Variants in GPM6A observed in about 807,000 individuals in gnomAD.
GPM6A encodes the protein glycoprotein M6A.
Under a neutral mutation model 32.1 loss-of-function variants are expected in GPM6A, and 7 were observed. The ratio of observed to expected loss-of-function variants is 0.22; its 90% CI spans 0.12 to 0.41. The LOEUF (loss-of-function observed/expected upper bound fraction) is 0.41. GPM6A is among the 10% of genes least tolerant of loss of function. The probability of loss-of-function intolerance (pLI) is 1.00; values close to 1 mark genes in which losing one functional copy is unlikely to be tolerated. For synonymous variants in GPM6A, 130 were observed against 123.4 expected, an observed-to-expected ratio of 1.05 and a Z score of -0.35; for missense variants, 235 against 347.2, an observed-to-expected ratio of 0.68 and a Z score of 2.57.
intron 1 of GPM6A, among the ~76,000 whole-genome samples, chr4:175,890,627 T>C (rs1217377590): frequency 2.6e-5 from 4 of 151,870 alleles, no homozygotes; most frequent in African/African-American, 4.8e-5. Flanking sequence ...AGTGCAGTGG[T>C]GCAATCATGG....
At chr4:175,761,805 T>TG (rs934658957) in intron 1 of GPM6A, among the ~76,000 whole-genome samples, 1 of 151,984 alleles carries the variant, frequency 6.6e-6, no homozygotes, top group Non-Finnish European at 1.5e-5. Flanking sequence ...AAACTTTTTT[T>TG]TTTTTTGAGA....
chr4:175,646,909 A>T (rs952196328), intron 4 of GPM6A, among the ~76,000 whole-genome samples: 1 of 152,070 alleles, frequency 6.6e-6, no homozygotes, highest in Non-Finnish European at 1.5e-5. Flanking sequence ...TGGTAGGGAG[A>T]CAGATTTGAG....
At chr4:175,678,324 T>G (rs959134044) in intron 2 of GPM6A, among the ~76,000 whole-genome samples, 10 of 152,202 alleles carry the variant, frequency 6.6e-5, no homozygotes, top group African/African-American at 2.4e-4. Context: ...TACTGTTTTA[T>G]TAACAAATTG....
At chr4:175,787,838 T>C (rs1327872030) in intron 1 of GPM6A, 2 of 155,978 alleles carry the variant, frequency 1.3e-5, no homozygotes, top group Non-Finnish European at 2.8e-5. Context: ...TTTTAATTGC[T>C]ATCTTCCCAG....
At chr4:175,879,880 C>T (rs1417216376) in intron 1 of GPM6A, among the ~76,000 whole-genome samples, 1 of 152,042 alleles carries the variant, frequency 6.6e-6, no homozygotes, top group Non-Finnish European at 1.5e-5. Flanking sequence ...CCCATTTAAA[C>T]ACCCACCAAG....
intron 2 of GPM6A, among the ~76,000 whole-genome samples, chr4:175,696,750 G>T (rs1744601531): frequency 6.6e-6 from 1 of 152,138 alleles, no homozygotes; most frequent in Admixed American, 6.6e-5. Context: ...GTTAGCCTAT[G>T]AAACTTTGTT....
At chr4:175,844,455 G>T (rs1199276966) in intron 1 of GPM6A, among the ~76,000 whole-genome samples, 1 of 152,066 alleles carries the variant, frequency 6.6e-6, no homozygotes, top group Non-Finnish European at 1.5e-5. Flanking sequence ...TGAAACCAAG[G>T]ATATGAAATA....
At chr4:175,900,452 CA>C (rs1308748076) in intron 1 of GPM6A, among the ~76,000 whole-genome samples, 1 of 140,892 alleles carries the variant, frequency 7.1e-6, no homozygotes, top group African/African-American at 2.6e-5. Context: ...AAAAAATGGG[CA>C]AAAAATATGA....
At chr4:175,802,379 G>C (rs1361351738) in intron 1 of GPM6A, among the ~76,000 whole-genome samples, 1 of 152,058 alleles carries the variant, frequency 6.6e-6, no homozygotes, top group Non-Finnish European at 1.5e-5. Context: ...TGAAAGGTTA[G>C]ATGGAAATAC....
At chr4:175,952,680 A>G (rs915772664) in intron 1 of GPM6A, among the ~76,000 whole-genome samples, 4 of 152,172 alleles carry the variant, frequency 2.6e-5, no homozygotes, top group African/African-American at 4.8e-5. Context: ...ACAAAATCAT[A>G]TAATAAAATA....
intron 1 of GPM6A, among the ~76,000 whole-genome samples, chr4:175,986,411 G>A (rs1270004621): frequency 1.3e-5 from 2 of 151,732 alleles, no homozygotes; most frequent in Non-Finnish European, 2.9e-5. Context: ...GTGGCTGTGG[G>A]TATAGTCCCA....
chr4:175,770,530 C>T (rs948878540), intron 1 of GPM6A, among the ~76,000 whole-genome samples: 1 of 152,098 alleles, frequency 6.6e-6, no homozygotes, highest in Non-Finnish European at 1.5e-5. Context: ...TTTGATCTGC[C>T]CGTTGCTTGA....
At chr4:175,945,354 A>G (rs929940615) in intron 1 of GPM6A, among the ~76,000 whole-genome samples, 3 of 152,140 alleles carry the variant, frequency 2.0e-5, no homozygotes, top group Non-Finnish European at 4.4e-5. Flanking sequence ...TAGTGTTTCC[A>G]TAGTAGAGTT....
At chr4:175,656,933 T>C (rs17061762) in intron 3 of GPM6A, among the ~76,000 whole-genome samples, 7,531 of 152,266 alleles carry the variant, frequency 0.049, 212 homozygotes, top group Non-Finnish European at 0.061. Flanking sequence ...ATGAAGAGTT[T>C]CAGATATGAG....
chr4:175,935,077 T>C (rs1043199400), intron 1 of GPM6A, among the ~76,000 whole-genome samples: 1 of 152,226 alleles, frequency 6.6e-6, no homozygotes, highest in African/African-American at 2.4e-5. Flanking sequence ...TTGACTACTT[T>C]AATGTGGATG....
chr4:175,869,370 G>A (rs1426889602), intron 1 of GPM6A, among the ~76,000 whole-genome samples: 1 of 151,994 alleles, frequency 6.6e-6, no homozygotes, highest in East Asian at 1.9e-4. Flanking sequence ...ATGTGATTCT[G>A]TGTATAGGAC....
chr4:175,968,557 T>C (rs989854239), intron 1 of GPM6A, among the ~76,000 whole-genome samples: 1 of 152,156 alleles, frequency 6.6e-6, no homozygotes, highest in East Asian at 1.9e-4. Context: ...CCAAAATATA[T>C]CAAGATTTCT....
At chr4:175,734,149 TATATATA>T (rs1560903445) in intron 1 of GPM6A, among the ~76,000 whole-genome samples, 1 of 145,260 alleles carries the variant, frequency 6.9e-6, no homozygotes, top group East Asian at 2.6e-4. Flanking sequence ...TATATATATA[TATATATA>T]TATATTTTTT....
chr4:175,698,364 A>G (rs1579398010), intron 2 of GPM6A, among the ~76,000 whole-genome samples: 1 of 152,274 alleles, frequency 6.6e-6, no homozygotes, highest in East Asian at 1.9e-4. Flanking sequence ...TTATGCTCTT[A>G]TACATTCTTT....
Sources: allele counts gnomAD v4.1 joint callset (sites outside exome capture counted in the v4.1 genomes callset), GRCh38; gene constraint gnomAD v4.1.1; transcripts MANE v1.5; gene names NCBI Gene and HGNC (gene_info 2026-07-23, HGNC 2026-07-21).